CACNB2: variants seen among roughly 807,000 people sequenced by gnomAD.
CACNB2 encodes voltage-dependent L-type calcium channel subunit beta-2.
CACNB2 carries 42 observed loss-of-function variants against 73.3 expected under a neutral mutation model. The observed-to-expected ratio is 0.57, with a 90% CI of 0.45 to 0.74. The LOEUF is 0.74. CACNB2 is among the 30% of genes least tolerant of loss of function. CACNB2 has a pLI of 0.00. For missense variants in CACNB2, 940 were observed against 853.0 expected (o/e 1.10, Z -1.27); for synonymous variants, 348 against 310.3 (o/e 1.12, Z -1.28).
intron 3 of CACNB2, among the ~76,000 whole-genome samples, chr10:18,472,569 T>G (rs555282718): frequency 2.1e-4 from 32 of 152,228 alleles, no homozygotes; most frequent in African/African-American, 7.0e-4. Flanking sequence ...CTTGCCTACC[T>G]TGGTTCCATG....
intron 2 of CACNB2, among the ~76,000 whole-genome samples, chr10:18,391,692 C>T (rs1175430601): frequency 1.3e-5 from 2 of 151,918 alleles, no homozygotes; most frequent in Non-Finnish European, 2.9e-5. Flanking sequence ...TTTGGGAGGC[C>T]GAGGCACATG....
chr10:18,393,418 T>C (rs2043575581), intron 2 of CACNB2, among the ~76,000 whole-genome samples: 1 of 152,256 alleles, frequency 6.6e-6, no homozygotes, highest in African/African-American at 2.4e-5. Context: ...TTGCAAATAT[T>C]GAGCAGAGGC....
intron 3 of CACNB2, among the ~76,000 whole-genome samples, chr10:18,493,274 T>C (rs926854468): frequency 6.6e-6 from 1 of 152,158 alleles, no homozygotes; most frequent in African/African-American, 2.4e-5. Flanking sequence ...GTTCAAGCAA[T>C]TCTCCTGCCT....
chr10:18,406,799 A>G (rs2044311535), intron 3 of CACNB2, among the ~76,000 whole-genome samples: 1 of 152,170 alleles, frequency 6.6e-6, no homozygotes, highest in African/African-American at 2.4e-5. Context: ...CCTGGTGCCA[A>G]AAAGGTGGAG....
intron 2 of CACNB2, among the ~76,000 whole-genome samples, chr10:18,287,694 T>C (rs1441291280): frequency 6.6e-6 from 1 of 151,944 alleles, no homozygotes; most frequent in Admixed American, 6.6e-5. Flanking sequence ...CTACAAAAAA[T>C]ACAAAAATCG....
intron 2 of CACNB2, among the ~76,000 whole-genome samples, chr10:18,238,952 T>C (rs1442543994): frequency 2.0e-5 from 3 of 152,176 alleles, no homozygotes; most frequent in African/African-American, 7.2e-5. Context: ...GCTTTTTAAT[T>C]ACAGAGGCGA....
rs111677627 is a variant in CACNB2, at chr10:18,430,864, A to C, written c.333+28821A>C. On this transcript the variant is annotated intron_variant, in intron 3 of 13. Coordinates refer to ENST00000324631, the MANE Select transcript of CACNB2 (RefSeq NM_201596.3). ...ACATGGAAACCATTTTTGTATTTGC[A>C]GTTAGTGTCAACTGAAGGGATTAAG... 8.9e-3 allele frequency among the ~76,000 whole-genome samples: 1,362 copies of C among 152,338 alleles called. 20 individuals are homozygous for C. The highest frequency in any genetic ancestry group is 0.031 in the African/African-American group (1,292 of 41,568).
chr10:18,407,109 CTTTTTTTTTTTTTTTT>C (rs71507267), intron 3 of CACNB2, among the ~76,000 whole-genome samples: 16 of 35,574 alleles, frequency 4.5e-4, no homozygotes, highest in South Asian at 2.0e-3. Flanking sequence ...GCTGTTCTGT[CTTTTTTTTTTTTTTTT>C]TTTTTTTTTT....
chr10:18,498,461 T>G lies in CACNB2; in HGVS notation c.440T>G (p.Phe147Cys), dbSNP rs1191255397. 7.4e-6 allele frequency: 12 copies of G among 1,614,004 alleles called. No homozygotes were observed. Among genetic ancestry groups the G allele is most frequent in the Non-Finnish European group, 1.0e-5 (12 of 1,179,994 alleles). The change falls in exon 4 of 14, where the codon TTT becomes TGT. Residue 147 changes from phenylalanine to cysteine, a missense_variant. Transcript: ENST00000324631. ...GMAISFEAKD[F>C]LHVKEKFNND... ...GCCATCTCATTCGAAGCAAAAGATTTTCTGCATGTTAAGGAAGTAAGGAGA... is the reference window on the plus strand; with the variant it reads ...GCCATCTCATTCGAAGCAAAAGATTGTCTGCATGTTAAGGAAGTAAGGAGA...
Position 18,347,344 on chromosome 10 carries a change from A to ATTTTTTTT in CACNB2, c.214-54558_214-54551dup, listed in dbSNP as rs201654242. On this transcript the variant is annotated intron_variant, in intron 2 of 13. Transcript: ENST00000324631. ...AGGCGCATGCCGCCATGCCCGTCTA[A>ATTTTTTTT]TTTTTTTTTTTTTTTTTTTTTTTTT... Among the ~76,000 whole-genome samples the ATTTTTTTT allele has an allele frequency of 2.9e-4, 35 of 120,814 alleles. 1 individual carries two copies. Among genetic ancestry groups the ATTTTTTTT allele is most frequent in the East Asian group, 2.0e-3 (6 of 2,944 alleles). The allele number at this position is 120,814 out of a possible 152,430, so 79.3% of individuals were successfully genotyped here. A position where few individuals can be genotyped will look rare whatever the true frequency, so the allele number is the denominator to read the frequency against.
At chr10:18,371,673 G>A (rs1469883268) in intron 2 of CACNB2, among the ~76,000 whole-genome samples, 4 of 152,188 alleles carry the variant, frequency 2.6e-5, no homozygotes, top group Non-Finnish European at 5.9e-5. Flanking sequence ...ACATGTGCAT[G>A]TGTCTTTATA....
chr10:18,533,960 C>T (rs1554840711), intron 10 of CACNB2, 116 bp from the exon 11 acceptor site: 3 of 888,174 alleles, frequency 3.4e-6, no homozygotes, highest in South Asian at 2.9e-5. Context: ...AATTCTATTG[C>T]CTGTAAGCAT....
intron 2 of CACNB2, among the ~76,000 whole-genome samples, chr10:18,359,703 A>G (rs750825646): frequency 7.9e-5 from 12 of 151,574 alleles, no homozygotes; most frequent in Non-Finnish European, 1.5e-4. Flanking sequence ...TGCTGCACCC[A>G]TCAACCTGTG....
intron 2 of CACNB2, among the ~76,000 whole-genome samples, chr10:18,168,379 A>C (rs936333455): frequency 2.6e-5 from 4 of 152,180 alleles, no homozygotes; most frequent in African/African-American, 9.6e-5. Flanking sequence ...TCACCAGATA[A>C]CTAAGTAATT....
At chr10:18,312,797 T>C (rs1404972057) in intron 2 of CACNB2, among the ~76,000 whole-genome samples, 1 of 152,188 alleles carries the variant, frequency 6.6e-6, no homozygotes, top group Non-Finnish European at 1.5e-5. Context: ...CACTTAGGAC[T>C]ACAGAACTCT....
chr10:18,256,209 A>G (rs1186853450), intron 2 of CACNB2, among the ~76,000 whole-genome samples: 3 of 151,236 alleles, frequency 2.0e-5, no homozygotes, highest in African/African-American at 7.3e-5. Context: ...TAATTTAGCA[A>G]TTCATTAGGT....
At chr10:18,265,610 A>C (rs1197117100) in intron 2 of CACNB2, among the ~76,000 whole-genome samples, 1 of 152,198 alleles carries the variant, frequency 6.6e-6, no homozygotes, top group Non-Finnish European at 1.5e-5. Context: ...ATACAAATGG[A>C]ATCAGACTTA....
chr10:18,352,601 T>C (rs951178895), intron 2 of CACNB2, among the ~76,000 whole-genome samples: 13 of 152,240 alleles, frequency 8.5e-5, no homozygotes, highest in African/African-American at 2.9e-4. Context: ...TGGAAGAGTT[T>C]CTATTAATTA....
intron 2 of CACNB2, among the ~76,000 whole-genome samples, chr10:18,180,069 T>C (rs949997960): frequency 6.6e-6 from 1 of 152,214 alleles, no homozygotes; most frequent in East Asian, 1.9e-4. Context: ...TCTTGGCTTC[T>C]GATTTAGCGT....
Sources: allele counts gnomAD v4.1 joint callset (sites outside exome capture counted in the v4.1 genomes callset), GRCh38; gene constraint gnomAD v4.1.1; transcripts MANE v1.5; gene names NCBI Gene and HGNC (gene_info 2026-07-23, HGNC 2026-07-21).